The following ANKRD13B variants were observed in gnomAD, a reference collection of about 807,000 sequenced individuals.
ANKRD13B encodes ankyrin repeat domain-containing protein 13B.
In ANKRD13B, 33 loss-of-function variants were observed where a neutral mutation model predicts 74.4. That is an observed-to-expected ratio of 0.44 (90% CI 0.34 to 0.59). The LOEUF is 0.59. ANKRD13B is among the 20% of genes least tolerant of loss of function. The pLI is 0.02. For missense variants in ANKRD13B, 676 were observed against 877.9 expected (o/e 0.77, Z 2.91); for synonymous variants, 341 against 362.9 (o/e 0.94, Z 0.68).
intron 1 of ANKRD13B, among the ~76,000 whole-genome samples, 186 bp from the exon 2 acceptor site, chr17:29,607,556 C>CGTTGCTCATA (rs1256757650): frequency 6.6e-6 from 1 of 152,190 alleles, no homozygotes; most frequent in Non-Finnish European, 1.5e-5. Flanking sequence ...TCTGTCTTTC[C>CGTTGCTCATA]GTTGCTCATA....
At position 29,612,013 on chromosome 17, in the gene ANKRD13B, C is replaced by A. The variant is rs907193134; in HGVS notation, c.1100+7C>A. ...TGACCACCAAGACACAGAAGTGAGG[C>A]CCCTGCCGGTGCTGGGAAGGTGGGG... On this transcript the variant is annotated splice_region_variant and intron_variant, in intron 10 of 14. Transcript: ENST00000394859. This position sits in a 1 kb window ranked among gnomAD's most constrained non-coding sequence, Gnocchi z 6.1. 1.2e-6 allele frequency: 2 copies of A among 1,610,184 alleles called. No homozygotes were observed. Among genetic ancestry groups the A allele is most frequent in the Non-Finnish European group, 1.7e-6 (2 of 1,178,110 alleles).
At chr17:29,594,515 G>A (rs561900244) in intron 1 of ANKRD13B, among the ~76,000 whole-genome samples, 28 of 152,152 alleles carry the variant, frequency 1.8e-4, no homozygotes, top group African/African-American at 6.3e-4. Flanking sequence ...GGGAAGGGGG[G>A]ATGTCTTCTG....
At chr17:29,600,858 T>C (rs2034148462) in intron 1 of ANKRD13B, among the ~76,000 whole-genome samples, 1 of 152,166 alleles carries the variant, frequency 6.6e-6, no homozygotes, top group African/African-American at 2.4e-5. Context: ...TAAAGTTGTG[T>C]TGAAGTTTCT....
In ANKRD13B at chr17:29,609,434, C is replaced by A. The variant is rs747543951; in HGVS notation, c.822+13C>A. The A allele has an allele frequency of 4.3e-6, 7 of 1,612,684 alleles. 1 individual carries two copies. The highest frequency in any genetic ancestry group is 3.3e-4 in the Middle Eastern group (2 of 6,084). On this transcript the variant is annotated intron_variant, in intron 7 of 14. Transcript: ENST00000394859. This position sits in a 1 kb window ranked among gnomAD's most constrained non-coding sequence, Gnocchi z 4.0. ...GTATGAAGCTAAGGTGAGGCTGCAGCTCCCAGCTGCCAGCCCAGCTGCACT... is the reference window on the plus strand; with the variant it reads ...GTATGAAGCTAAGGTGAGGCTGCAGATCCCAGCTGCCAGCCCAGCTGCACT...
At chr17:29,605,407 C>T (rs1008532510) in intron 1 of ANKRD13B, among the ~76,000 whole-genome samples, 3 of 137,462 alleles carry the variant, frequency 2.2e-5, no homozygotes, top group African/African-American at 7.7e-5. Context: ...TATATATATA[C>T]ACACACAAAC....
chr17:29,603,833 T>A (rs554517543), intron 1 of ANKRD13B, among the ~76,000 whole-genome samples: 1 of 152,038 alleles, frequency 6.6e-6, no homozygotes, highest in African/African-American at 2.4e-5. Flanking sequence ...GAGTTTTGTT[T>A]CTATGAAATT....
At chr17:29,600,696 C>G (rs1425402236) in intron 1 of ANKRD13B, among the ~76,000 whole-genome samples, 1 of 152,068 alleles carries the variant, frequency 6.6e-6, no homozygotes, top group Non-Finnish European at 1.5e-5. Context: ...TCTGCCATCC[C>G]CATTGCCTGC....
intron 7 of ANKRD13B, 150 bp from the exon 8 acceptor site, chr17:29,610,535 A>G: frequency 1.8e-6 from 1 of 555,200 alleles, no homozygotes; most frequent in Non-Finnish European, 3.1e-6. Flanking sequence ...GAATGAATGA[A>G]TGAATGACCT....
Position 29,593,601 on chromosome 17 carries a change from C to T in ANKRD13B, c.-21C>T, listed in dbSNP as rs1276674863. ...CCTCCTCCCCGGCCGGGCGCCGCGG[C>T]CCCGGCATGAGGAGCGGGCGATGAT... On this transcript the variant is annotated 5_prime_UTR_variant, in exon 1 of 15. Transcript: ENST00000394859. 25 of 1,251,128 alleles carry T rather than the reference C, an allele frequency of 2.0e-5. No individual in the cohort carries two copies. Among genetic ancestry groups the T allele is most frequent in the Non-Finnish European group, 2.5e-5 (25 of 981,064 alleles). The allele number at this position is 1,251,128 out of a possible 1,614,324, so 77.5% of individuals were successfully genotyped here. A position where few individuals can be genotyped will look rare whatever the true frequency, so the allele number is the denominator to read the frequency against.
rs2034572196 is a variant in ANKRD13B at position 29,611,319 on chromosome 17, G to T, written c.905-260G>T. The stretch of plus-strand genomic sequence containing the variant: ...TTTACTGTCCAGGGTCACCGAGCTG[G>T]AGAGGAGCACTTTTGGAAGTTGCTT... On this transcript the variant is annotated intron_variant, in intron 8 of 14. Coordinates refer to ENST00000394859, the MANE Select transcript of ANKRD13B (RefSeq NM_152345.5). This position sits in a 1 kb window ranked among gnomAD's most constrained non-coding sequence, Gnocchi z 4.3. 6.6e-6 allele frequency among the ~76,000 whole-genome samples: 1 copy of T among 152,230 alleles called. No homozygotes were observed.
In ANKRD13B at chr17:29,608,685, G is replaced by T. The variant is rs1309643701; in HGVS notation, c.422-166G>T. The T allele has an allele frequency of 2.1e-6, 2 of 966,052 alleles. No individual in the cohort carries two copies. Among genetic ancestry groups the T allele is most frequent in the Admixed American group, 5.8e-5 (2 of 34,452 alleles). The allele number at this position is 966,052 out of a possible 1,614,324, so 59.8% of individuals were successfully genotyped here. On this transcript the variant is annotated intron_variant, in intron 4 of 14. Transcript: ENST00000394859. The surrounding 1 kb of genome is among the most constrained non-coding windows in gnomAD (Gnocchi z 6.4). ...GACCTCAGGTTGCTCTTCTGTGTGA[G>T]TATGGTCTACACTGGCCAGGGAGGG... is the stretch of plus-strand genomic sequence containing the variant.
rs765506823 is a variant in ANKRD13B at position 29,593,680 on chromosome 17, A to T, written c.59A>T (p.Tyr20Phe). Residue 20 changes from tyrosine (Y) to phenylalanine (F), a missense_variant, in exon 1 of 15, where the codon TAC becomes TTC. Tyr to Phe is a conservative substitution (Grantham distance 22, BLOSUM62 3). Transcript: ENST00000394859. The part of the protein sequence containing the change: ...KGPEGKYPLH[Y>F]LVWHNRHREL... ...CCCGAGGGCAAGTATCCGCTGCACT[A>T]CCTCGTGTGGCACAACCGCCACCGC... The T allele has an allele frequency of 2.3e-5, 33 of 1,443,016 alleles. No individual in the cohort carries two copies. The highest frequency in any genetic ancestry group is 2.9e-5 in the Non-Finnish European group (32 of 1,089,574). The allele number at this position is 1,443,016 out of a possible 1,614,324, so 89.4% of individuals were successfully genotyped here.
Position 29,608,317 on chromosome 17 carries a change from T to C in ANKRD13B, c.421+77T>C. The C allele has an allele frequency of 3.2e-6, 5 of 1,585,590 alleles. No individual in the cohort carries two copies. Among genetic ancestry groups the C allele is most frequent in the Non-Finnish European group, 4.3e-6 (5 of 1,159,836 alleles). Reference sequence around the variant, plus strand: ...GCTTGCTCCCCTGCCTGGAATGTGTTCTCATAGTTCTTCCGGCGGTTCCCT... The same window carrying C: ...GCTTGCTCCCCTGCCTGGAATGTGTCCTCATAGTTCTTCCGGCGGTTCCCT... On this transcript the variant is annotated intron_variant, in intron 4 of 14. Transcript: ENST00000394859. This position sits in a 1 kb window ranked among gnomAD's most constrained non-coding sequence, Gnocchi z 6.4.
intron 7 of ANKRD13B, among the ~76,000 whole-genome samples, chr17:29,610,049 G>A (rs1290761449): frequency 5.3e-5 from 8 of 152,026 alleles, no homozygotes; most frequent in South Asian, 2.1e-4. Flanking sequence ...AAAATTAGCC[G>A]GGTGTGGTAG....
At chr17:29,606,891 A>C (rs1390565184) in intron 1 of ANKRD13B, among the ~76,000 whole-genome samples, 1 of 151,840 alleles carries the variant, frequency 6.6e-6, no homozygotes, top group East Asian at 1.9e-4. Context: ...TCTACTAAAA[A>C]TACAAAAAAT....
Position 29,612,427 on chromosome 17 carries a change from C to A in ANKRD13B, c.1284C>A (p.Asn428Lys). ...KIEIPIFHILNARITFGNLNG... is the reference protein window; with the variant it reads ...KIEIPIFHILKARITFGNLNG... ...AAATCCCGATCTTCCACATCCTCAA[C>A]GCCCGCATCACCTTCGGGAACCTCA... The change falls in exon 12 of 15, where the codon AAC becomes AAA. Residue 428 changes from asparagine to lysine, a missense_variant. By Grantham distance (94) the Asn-to-Lys change is moderately conservative. Around this residue, in one of 4 missense-constraint regions of ANKRD13B, gnomAD observed 328 missense variants for 518.4 expected, o/e 0.63. Coordinates refer to ENST00000394859, the MANE Select transcript of ANKRD13B (RefSeq NM_152345.5). The surrounding 1 kb of genome is among the most constrained non-coding windows in gnomAD (Gnocchi z 6.1). 6.2e-7 allele frequency: 1 copy of A among 1,611,564 alleles called. No individual in the cohort carries two copies. The highest frequency in any genetic ancestry group is 1.1e-5 in the South Asian group (1 of 90,606).
Position 29,599,630 on chromosome 17 carries a change from C to T in ANKRD13B, c.114+5895C>T, listed in dbSNP as rs374175298. 2.8e-4 allele frequency among the ~76,000 whole-genome samples: 43 copies of T among 152,108 alleles called. 1 individual carries two copies. In the South Asian group the frequency reaches 4.6e-3, roughly 16 times the overall value. ...TGTTTACTGTTTATGGGGGCAGGTG[C>T]AGCTGTCCAGGAATGCAGAAAACAA... On this transcript the variant is annotated intron_variant, in intron 1 of 14. Coordinates refer to ENST00000394859, the MANE Select transcript of ANKRD13B (RefSeq NM_152345.5).
intron 1 of ANKRD13B, among the ~76,000 whole-genome samples, chr17:29,599,670 A>G (rs1341540743): frequency 1.3e-5 from 2 of 152,126 alleles, no homozygotes; most frequent in East Asian, 1.9e-4. Flanking sequence ...AAGTTAAGAA[A>G]GTCACTTCCA....
chr17:29,597,729 C>G (rs2034002894), intron 1 of ANKRD13B, among the ~76,000 whole-genome samples: 1 of 152,140 alleles, frequency 6.6e-6, no homozygotes, highest in South Asian at 2.1e-4. Context: ...GCACTCTGGG[C>G]TTGTGGGGAG....
Sources: gnomAD v4.1 joint callset for allele counts (sites outside exome capture counted in the v4.1 genomes callset) on GRCh38, gnomAD v4.1.1 for gene constraint, gnomAD v4.1.1 regional missense constraint, Gnocchi (gnomAD v3.1) non-coding constraint, MANE v1.5 for transcripts, NCBI Gene and HGNC (gene_info 2026-07-23, HGNC 2026-07-21) for gene names.